Variants in PCDHGA1 observed in about 807,000 individuals in gnomAD.
PCDHGA1 encodes the protein protocadherin gamma-A1.
Under a neutral mutation model 58.0 loss-of-function variants are expected in PCDHGA1, and 32 were observed. The ratio of observed to expected loss-of-function variants is 0.55; its 90% CI spans 0.42 to 0.74. The LOEUF is 0.74. Among genes scored for constraint, PCDHGA1 ranks in the 30% least tolerant of loss-of-function variants. The pLI, the probability that PCDHGA1 is intolerant of heterozygous loss-of-function variation, is 0.00. For synonymous variants in PCDHGA1, 498 were observed against 501.1 expected, an observed-to-expected ratio of 0.99 and a Z score of 0.08; for missense variants, 1,205 against 1,182.3, an observed-to-expected ratio of 1.02 and a Z score of -0.28.
At chr5:141,372,748 C>G (rs771861396) in intron 1 of PCDHGA1, 13 of 1,613,014 alleles carry the variant, frequency 8.1e-6, no homozygotes, top group East Asian at 2.2e-5. Flanking sequence ...TGTGATGAAG[C>G]CTCTTGGTTT....
At chr5:141,454,471 A>C (rs774315258) in intron 1 of PCDHGA1, among the ~76,000 whole-genome samples, 7 of 152,198 alleles carry the variant, frequency 4.6e-5, no homozygotes, top group Non-Finnish European at 7.3e-5. Context: ...CAATGGCATG[A>C]TCTCAGCTCA....
chr5:141,456,814 ATTAGCCATCGTGG>A (rs2098889077), intron 1 of PCDHGA1, among the ~76,000 whole-genome samples: 1 of 151,928 alleles, frequency 6.6e-6, no homozygotes, highest in Non-Finnish European at 1.5e-5. Context: ...AATACAAAAA[ATTAGCCATCGTGG>A]TAGTGGGCGC....
intron 1 of PCDHGA1, among the ~76,000 whole-genome samples, chr5:141,449,339 G>T (rs1307731679): frequency 6.6e-6 from 1 of 151,930 alleles, no homozygotes; most frequent in Non-Finnish European, 1.5e-5. Context: ...AGGTGCAGTG[G>T]CTCACTCCTG....
At chr5:141,349,031 G>A (rs1207539778) in intron 1 of PCDHGA1, among the ~76,000 whole-genome samples, 2 of 152,054 alleles carry the variant, frequency 1.3e-5, no homozygotes, top group Non-Finnish European at 1.5e-5. Context: ...AACTCGTTTT[G>A]CTCATTAATG....
chr5:141,330,918 T>G lies in PCDHGA1; in HGVS notation c.234T>G (p.Asn78Lys), dbSNP rs1756331509. ...SRGRMPLFAL[N>K]PRSGSLITAR... ...GTAGGATGCCGCTTTTCGCTCTGAATCCTAGAAGTGGCAGCTTGATCACCG... is the reference window on the plus strand; with the variant it reads ...GTAGGATGCCGCTTTTCGCTCTGAAGCCTAGAAGTGGCAGCTTGATCACCG... Residue 78 changes from asparagine to lysine, a missense_variant, in exon 1 of 4, where the codon AAT becomes AAG. Physicochemically the swap from Asn to Lys is moderately conservative, Grantham distance 94. Transcript: ENST00000517417. The G allele has an allele frequency of 1.9e-6, 3 of 1,614,188 alleles. No individual in the cohort carries two copies. The African/African-American group carries it at 4.0e-5, about 22-fold the overall frequency.
At chr5:141,360,400 A>G (rs748670827) in intron 1 of PCDHGA1, 6 of 1,613,978 alleles carry the variant, frequency 3.7e-6, no homozygotes, top group Non-Finnish European at 5.1e-6. Context: ...TGTGAGTGAC[A>G]GAATAGACCG....
rs976549180 is a variant in PCDHGA1, at chr5:141,334,827, G to C, written c.2421+1722G>C. Among the ~76,000 whole-genome samples, 1 of 152,096 alleles carries C rather than the reference G, an allele frequency of 6.6e-6. No homozygotes were observed. The highest frequency in any genetic ancestry group is 2.4e-5 in the African/African-American group (1 of 41,408). ...ATGGCCTGGGACCTGAGGTCAGATA[G>C]AAACTATTTCAAAACCATTACAAAT... On this transcript the variant is annotated intron_variant, in intron 1 of 3. Transcript: ENST00000517417. The surrounding 1 kb of genome is among the most constrained non-coding windows in gnomAD (Gnocchi z 4.6).
intron 1 of PCDHGA1, among the ~76,000 whole-genome samples, chr5:141,492,164 C>G (rs1180358388): frequency 6.6e-6 from 1 of 152,230 alleles, no homozygotes; most frequent in Non-Finnish European, 1.5e-5. Context: ...CTCCCTATCC[C>G]CGCATCACCC....
In PCDHGA1 at chr5:141,408,035, C is replaced by T. The variant is rs886766467; in HGVS notation, c.2421+74930C>T. On this transcript the variant is annotated intron_variant, in intron 1 of 3. Transcript: ENST00000517417. ...CAGCCAACAACAGAAAGAAGAAAAC[C>T]AGCTCCCACACAGAGCCTCCCGGCT... 7.1e-6 allele frequency: 8 copies of T among 1,130,910 alleles called. No homozygotes were observed. The African/African-American group carries it at 7.8e-5, about 11-fold the overall frequency. 70.1% of individuals were successfully genotyped at this position (1,130,910 alleles called of 1,614,324 possible).
intron 1 of PCDHGA1, chr5:141,418,309 G>A (rs756375907): frequency 6.2e-7 from 1 of 1,614,008 alleles, no homozygotes; most frequent in South Asian, 1.1e-5. Flanking sequence ...GCCTGGGGAT[G>A]GGAACAATTC....
Position 141,485,631 on chromosome 5 carries a change from C to T in PCDHGA1, c.2422-9176C>T. 6.2e-7 allele frequency: 1 copy of T among 1,611,764 alleles called. No homozygotes were observed. The highest frequency in any genetic ancestry group is 8.5e-7 in the Non-Finnish European group (1 of 1,178,360). Reference sequence around the variant, plus strand: ...GCAGCTCCTCCAGGACAGCGTTTCCCGTTGGAAAAGGCTCAGGATGCAGAT... The same window carrying T: ...GCAGCTCCTCCAGGACAGCGTTTCCTGTTGGAAAAGGCTCAGGATGCAGAT... On this transcript the variant is annotated intron_variant, in intron 1 of 3. Coordinates refer to ENST00000517417, the MANE Select transcript of PCDHGA1 (RefSeq NM_018912.3). The surrounding 1 kb of genome is among the most constrained non-coding windows in gnomAD (Gnocchi z 5.7).
rs376837521 is a variant in PCDHGA1 at position 141,332,632 on chromosome 5, G to T, written c.1948G>T (p.Gly650Cys). The T allele has an allele frequency of 6.2e-7, 1 of 1,612,852 alleles. No individual in the cohort carries two copies. Among genetic ancestry groups the T allele is most frequent in the South Asian group, 1.1e-5 (1 of 91,024 alleles). The change falls in exon 1 of 4, where the codon GGC becomes TGC. Residue 650 changes from glycine to cysteine, a missense_variant. Gly to Cys is a radical substitution (Grantham distance 159). Coordinates refer to ENST00000517417, the MANE Select transcript of PCDHGA1 (RefSeq NM_018912.3). The surrounding 1 kb of genome is among the most constrained non-coding windows in gnomAD (Gnocchi z 4.6). ...TCTCGTGGTGGCCGTCCAGGACCACGGCCAGCCCCCGCTCTCCGCCACTGT... is the reference window on the plus strand; with the variant it reads ...TCTCGTGGTGGCCGTCCAGGACCACTGCCAGCCCCCGCTCTCCGCCACTGT... The part of the protein sequence containing the change: ...QSLVVAVQDH[G>C]QPPLSATVTL...
In PCDHGA1 at chr5:141,414,479, C is replaced by G. The variant is rs752879517; in HGVS notation, c.2422-80328C>G. The G allele has an allele frequency of 3.1e-6, 5 of 1,613,906 alleles. No homozygotes were observed. The highest frequency in any genetic ancestry group is 1.3e-5 in the African/African-American group (1 of 75,040). Reference sequence around the variant, plus strand: ...ACAGCCACAGATGGGGGAAGTCCTCCTCTATCAACGGAAGCTCACTTTATG... The same window carrying G: ...ACAGCCACAGATGGGGGAAGTCCTCGTCTATCAACGGAAGCTCACTTTATG... On this transcript the variant is annotated intron_variant, in intron 1 of 3. Coordinates refer to ENST00000517417, the MANE Select transcript of PCDHGA1 (RefSeq NM_018912.3).
intron 1 of PCDHGA1, chr5:141,340,861 A>C (rs768574993): frequency 5.6e-6 from 9 of 1,613,424 alleles, no homozygotes; most frequent in Non-Finnish European, 5.9e-6. Context: ...GCACGGCGCG[A>C]GCCCTGCTGG....
Position 141,489,322 on chromosome 5 carries a change from T to C in PCDHGA1, c.2422-5485T>C. The C allele has an allele frequency of 6.2e-7, 1 of 1,601,052 alleles. No individual in the cohort carries two copies. Among genetic ancestry groups the C allele is most frequent in the Non-Finnish European group, 8.5e-7 (1 of 1,172,658 alleles). ...GTCCTTGTGCTGCTGGGGCTGGGTGTCTGGGCAGCTTCGTTACTCAGTGGT... is the reference window on the plus strand; with the variant it reads ...GTCCTTGTGCTGCTGGGGCTGGGTGCCTGGGCAGCTTCGTTACTCAGTGGT... On this transcript the variant is annotated intron_variant, in intron 1 of 3. Coordinates refer to ENST00000517417, the MANE Select transcript of PCDHGA1 (RefSeq NM_018912.3). The surrounding 1 kb of genome is among the most constrained non-coding windows in gnomAD (Gnocchi z 4.5).
chr5:141,400,233 C>T lies in PCDHGA1; in HGVS notation c.2421+67128C>T, dbSNP rs373858401. ...TGATCTCAGTGCTCTTCCTCCTGGCCGTGATTCTGGCCGTTGCCTTGCGCC... is the reference window on the plus strand; with the variant it reads ...TGATCTCAGTGCTCTTCCTCCTGGCTGTGATTCTGGCCGTTGCCTTGCGCC... On this transcript the variant is annotated intron_variant, in intron 1 of 3. Coordinates refer to ENST00000517417, the MANE Select transcript of PCDHGA1 (RefSeq NM_018912.3). 100 of 1,613,988 alleles carry T rather than the reference C, an allele frequency of 6.2e-5. 1 individual carries two copies. The African/African-American group carries it at 1.1e-3, about 18-fold the overall frequency.
intron 1 of PCDHGA1, among the ~76,000 whole-genome samples, chr5:141,455,246 G>A (rs2098817522): frequency 6.6e-6 from 1 of 151,962 alleles, no homozygotes; most frequent in Non-Finnish European, 1.5e-5. Context: ...AAAGGTCATA[G>A]TACAATCGCA....
At chr5:141,389,573 C>T (rs778800357) in intron 1 of PCDHGA1, 2 of 1,613,242 alleles carry the variant, frequency 1.2e-6, no homozygotes, top group African/African-American at 1.3e-5. Flanking sequence ...TGCTGTACCC[C>T]GCGCTGGGTC....
intron 1 of PCDHGA1, among the ~76,000 whole-genome samples, chr5:141,456,818 G>A (rs1214373156): frequency 1.3e-5 from 2 of 151,890 alleles, no homozygotes; most frequent in Admixed American, 6.6e-5. Context: ...CAAAAAATTA[G>A]CCATCGTGGT....
Sources: allele counts gnomAD v4.1 joint callset (sites outside exome capture counted in the v4.1 genomes callset), GRCh38; gene constraint gnomAD v4.1.1; non-coding constraint Gnocchi (gnomAD v3.1); transcripts MANE v1.5; gene names NCBI Gene and HGNC (gene_info 2026-07-23, HGNC 2026-07-21).